Variants in SASH1 observed in about 807,000 individuals in gnomAD.
SASH1 encodes the protein SAM and SH3 domain containing 1.
SASH1 carries 44 observed loss-of-function variants against 125.2 expected under a neutral mutation model. That is an observed-to-expected ratio of 0.35 (90% CI 0.28 to 0.45). The LOEUF (loss-of-function observed/expected upper bound fraction) is 0.45, where lower values mean the gene tolerates loss of function less well. Among genes scored for constraint, SASH1 ranks in the 20% least tolerant of loss-of-function variants. SASH1 has a pLI of 1.00. For missense variants in SASH1, 1,426 were observed against 1,614.5 expected (o/e 0.88, Z 2.00); for synonymous variants, 639 against 649.1 (o/e 0.98, Z 0.24).
the SASH1 span, among the ~76,000 whole-genome samples, chr6:148,244,955 TGTGTGAGA>T: frequency 4.5e-5 from 6 of 133,526 alleles, no homozygotes; most frequent in South Asian, 7.8e-4. Context: ...TGTGTGTGTG[TGTGTGAGA>T]GAGAGAGAGA....
At chr6:148,528,182 C>A (rs1291889629) in intron 12 of SASH1, among the ~76,000 whole-genome samples, 1 of 152,086 alleles carries the variant, frequency 6.6e-6, no homozygotes, top group Non-Finnish European at 1.5e-5. Context: ...ATTTTTCCCC[C>A]CTGGATCTAT....
intron 1 of SASH1, among the ~76,000 whole-genome samples, chr6:148,378,592 T>G (rs986273573): frequency 4.6e-5 from 7 of 152,202 alleles, no homozygotes; most frequent in African/African-American, 1.7e-4. Flanking sequence ...ACTCCTGGGC[T>G]CAAGTGATCC....
At chr6:148,506,637 A>G (rs1165829577) in intron 8 of SASH1, among the ~76,000 whole-genome samples, 1 of 152,192 alleles carries the variant, frequency 6.6e-6, no homozygotes, top group Non-Finnish European at 1.5e-5. Context: ...AAGTAAAGTG[A>G]TTTGCTAGAG....
chr6:148,372,968 GCA>G (rs1782756333), intron 1 of SASH1, among the ~76,000 whole-genome samples: 1 of 152,170 alleles, frequency 6.6e-6, no homozygotes, highest in Non-Finnish European at 1.5e-5. Flanking sequence ...GACGAGGTGG[GCA>G]GATCACCTGA....
rs562572121 is a variant in SASH1 at position 148,494,061 on chromosome 6, T to C, written c.729+6346T>C. Reference sequence around the variant, plus strand: ...TTATGATCTCTGTTTTACCGGGTTTTCTAGTTTTTTGCTAATGTAAGTTGT... The same window carrying C: ...TTATGATCTCTGTTTTACCGGGTTTCCTAGTTTTTTGCTAATGTAAGTTGT... On this transcript the variant is annotated intron_variant, in intron 8 of 19. Transcript: ENST00000367467. 1.1e-4 allele frequency among the ~76,000 whole-genome samples: 17 copies of C among 152,310 alleles called. No homozygotes were observed. The South Asian group carries it at 3.5e-3, about 32-fold the overall frequency.
intron 11 of SASH1, among the ~76,000 whole-genome samples, chr6:148,525,789 G>A (rs1781109470): frequency 6.6e-6 from 1 of 152,176 alleles, no homozygotes; most frequent in South Asian, 2.1e-4. Flanking sequence ...TGGAACACCA[G>A]TCTTATTATG....
intron 4 of SASH1, among the ~76,000 whole-genome samples, chr6:148,449,053 G>A (rs894674204): frequency 3.6e-5 from 4 of 110,592 alleles, no homozygotes; most frequent in Non-Finnish European, 8.0e-5. Flanking sequence ...TAGAATACCC[G>A]AGACTGGCTA....
At chr6:148,416,746 G>A (rs1008416862) in intron 2 of SASH1, among the ~76,000 whole-genome samples, 1 of 152,176 alleles carries the variant, frequency 6.6e-6, no homozygotes, top group Non-Finnish European at 1.5e-5. Context: ...GATCTGCCCT[G>A]GAACACGGGG....
chr6:148,334,058 G>A (rs773546575), intron 1 of SASH1, among the ~76,000 whole-genome samples: 15 of 151,006 alleles, frequency 9.9e-5, no homozygotes, highest in Non-Finnish European at 2.1e-4. Context: ...TGCTGACCTC[G>A]TGATCCGCCT....
At chr6:148,433,170 G>A (rs1776133870) in intron 2 of SASH1, among the ~76,000 whole-genome samples, 1 of 152,082 alleles carries the variant, frequency 6.6e-6, no homozygotes, top group African/African-American at 2.4e-5. Flanking sequence ...GACAATAAAT[G>A]CATTTGAGGT....
chr6:148,277,325 C>G (rs1030620259), intron 1 of SASH1, among the ~76,000 whole-genome samples: 1 of 152,222 alleles, frequency 6.6e-6, no homozygotes, highest in Non-Finnish European at 1.5e-5. Context: ...ACCACGTTAA[C>G]AATACCATGC....
intron 2 of SASH1, among the ~76,000 whole-genome samples, chr6:148,420,696 C>T (rs954750972): frequency 3.9e-5 from 6 of 152,076 alleles, no homozygotes; most frequent in African/African-American, 4.8e-5. Flanking sequence ...TTTTTTTAAT[C>T]GTTATGTACC....
intron 2 of SASH1, among the ~76,000 whole-genome samples, chr6:148,430,833 G>A (rs921485930): frequency 2.0e-5 from 3 of 152,204 alleles, no homozygotes; most frequent in African/African-American, 7.2e-5. Context: ...GAGACACAGA[G>A]TACTATTTCC....
the SASH1 span, among the ~76,000 whole-genome samples, chr6:148,239,036 G>T: frequency 6.6e-6 from 1 of 152,198 alleles, no homozygotes; most frequent in Non-Finnish European, 1.5e-5. Context: ...CCATGAGTTT[G>T]CCATGCCAGA....
In SASH1 at chr6:148,514,368, T is replaced by C; in HGVS notation, c.774T>C (p.Phe258=). The change falls in exon 9 of 20, where the codon TTT becomes TTC. Residue 258 remains phenylalanine (F), a synonymous_variant. Coordinates refer to ENST00000367467, the MANE Select transcript of SASH1 (RefSeq NM_015278.5). ...ATGAGACTGAGGAGTCGGTGAAGTT[T>C]AAGAGGTTACACAAGCTGGTAAACT... ...SDDETEESVK[F]KRLHKLVNST... The C allele has an allele frequency of 1.2e-6, 2 of 1,608,432 alleles. No individual in the cohort carries two copies. The highest frequency in any genetic ancestry group is 1.7e-6 in the Non-Finnish European group (2 of 1,178,978).
At chr6:148,364,403 G>A (rs1782368303) in intron 1 of SASH1, among the ~76,000 whole-genome samples, 1 of 152,144 alleles carries the variant, frequency 6.6e-6, no homozygotes, top group African/African-American at 2.4e-5. Flanking sequence ...AGTCGATGGG[G>A]TGTGTGGAGA....
chr6:148,475,852 T>C (rs1386735097), intron 7 of SASH1, among the ~76,000 whole-genome samples: 1 of 152,160 alleles, frequency 6.6e-6, no homozygotes, highest in Non-Finnish European at 1.5e-5. Context: ...TGCATACATA[T>C]CCATGGTAGA....
chr6:148,311,933 C>A (rs74696430), intron 1 of SASH1, among the ~76,000 whole-genome samples: 6,494 of 152,262 alleles, frequency 0.043, 179 homozygotes, highest in Middle Eastern at 0.065. Flanking sequence ...TCTGGTACAT[C>A]CCCACAGTGG....
intron 1 of SASH1, among the ~76,000 whole-genome samples, chr6:148,296,721 A>G (rs1779775350): frequency 6.6e-6 from 1 of 152,214 alleles, no homozygotes; most frequent in Non-Finnish European, 1.5e-5. Flanking sequence ...GTATGTGGGC[A>G]CATGTCCAAA....
Sources: gnomAD v4.1 joint callset for allele counts (sites outside exome capture counted in the v4.1 genomes callset) on GRCh38, gnomAD v4.1.1 for gene constraint, MANE v1.5 for transcripts, NCBI Gene and HGNC (gene_info 2026-07-23, HGNC 2026-07-21) for gene names.